Variants in METTL24 observed in about 807,000 individuals in gnomAD.
METTL24 encodes the protein probable methyltransferase-like protein 24.
Under a neutral mutation model 32.7 loss-of-function variants are expected in METTL24, and 29 were observed. That is an observed-to-expected ratio of 0.89 (90% CI 0.66 to 1.21). METTL24 has a LOEUF of 1.21. Ranked by LOEUF, METTL24 falls within the 50% of genes most tolerant of loss-of-function variation. The probability of loss-of-function intolerance (pLI) is 0.00; values close to 1 mark genes in which losing one functional copy is unlikely to be tolerated. For missense variants in METTL24, 439 were observed against 468.1 expected (o/e 0.94, Z 0.57); for synonymous variants, 163 against 179.5 (o/e 0.91, Z 0.73).
At chr6:110,320,516 C>T (rs369581013) in intron 2 of METTL24, among the ~76,000 whole-genome samples, 2 of 152,166 alleles carry the variant, frequency 1.3e-5, no homozygotes, top group East Asian at 1.9e-4. Flanking sequence ...AAGCACAGAA[C>T]CTTATCTGGC....
chr6:110,322,365 A>G (rs530212079), intron 2 of METTL24, among the ~76,000 whole-genome samples: 1 of 152,350 alleles, frequency 6.6e-6, no homozygotes, highest in South Asian at 2.1e-4. Context: ...CATCTGTGAC[A>G]GAAGAGTGGA....
intron 4 of METTL24, among the ~76,000 whole-genome samples, chr6:110,278,800 T>A (rs1385834150): frequency 6.6e-6 from 1 of 152,100 alleles, no homozygotes; most frequent in African/African-American, 2.4e-5. Context: ...AGTGGGAAGA[T>A]CACTTGAGCC....
At chr6:110,341,381 G>A (rs1404881944) in intron 1 of METTL24, among the ~76,000 whole-genome samples, 2 of 152,172 alleles carry the variant, frequency 1.3e-5, no homozygotes, top group Non-Finnish European at 2.9e-5. Flanking sequence ...CAAAACTGAT[G>A]TAGCTATCTG....
At chr6:110,331,766 A>T (rs1269797415) in intron 1 of METTL24, among the ~76,000 whole-genome samples, 1 of 152,174 alleles carries the variant, frequency 6.6e-6, no homozygotes, top group African/African-American at 2.4e-5. Context: ...CCCTCAGAGG[A>T]AAACTCGAAG....
In METTL24 at chr6:110,298,902, A is replaced by C; in HGVS notation, c.786+20T>G. The C allele has an allele frequency of 6.2e-7, 1 of 1,606,746 alleles. No homozygotes were observed. The highest frequency in any genetic ancestry group is 2.2e-5 in the East Asian group (1 of 44,802). On this transcript the variant is annotated intron_variant, in intron 4 of 4. Coordinates refer to ENST00000338882, the MANE Select transcript of METTL24 (RefSeq NM_001123364.3). ...GTTTGTTTACTTTATTCAAGTATAA[A>C]ATCAAATGAAAAACCTCACCTTGTG...
chr6:110,267,013 C>A (rs1201509649), intron 4 of METTL24, among the ~76,000 whole-genome samples: 1 of 151,930 alleles, frequency 6.6e-6, no homozygotes, highest in Non-Finnish European at 1.5e-5. Flanking sequence ...TTTTGTGGGG[C>A]CTCAAGCTTC....
At chr6:110,342,564 T>C (rs908239423) in intron 1 of METTL24, among the ~76,000 whole-genome samples, 2 of 152,226 alleles carry the variant, frequency 1.3e-5, no homozygotes, top group African/African-American at 4.8e-5. Context: ...ATGATTCACA[T>C]GCCACAAAAT....
intron 4 of METTL24, among the ~76,000 whole-genome samples, chr6:110,293,025 G>A (rs1326286968): frequency 6.6e-6 from 1 of 151,644 alleles, no homozygotes; most frequent in Non-Finnish European, 1.5e-5. Context: ...ATCCCATTGG[G>A]TTAGTAAACC....
At chr6:110,341,336 C>T (rs1188922779) in intron 1 of METTL24, among the ~76,000 whole-genome samples, 1 of 152,172 alleles carries the variant, frequency 6.6e-6, no homozygotes, top group Non-Finnish European at 1.5e-5. Context: ...CTCTCTGTAA[C>T]CAGGATATCC....
At chr6:110,270,231 G>A (rs1009441079) in intron 4 of METTL24, among the ~76,000 whole-genome samples, 1 of 151,886 alleles carries the variant, frequency 6.6e-6, no homozygotes, top group Non-Finnish European at 1.5e-5. Flanking sequence ...GTGGTGGCTC[G>A]TTTTAAAATT....
chr6:110,335,720 G>A (rs1772213281), intron 1 of METTL24, among the ~76,000 whole-genome samples: 2 of 151,868 alleles, frequency 1.3e-5, no homozygotes, highest in Admixed American at 6.6e-5. Flanking sequence ...CTATTGTACT[G>A]GTAGGGGGTC....
chr6:110,258,440 AATT>A (rs1180418729), intron 4 of METTL24, among the ~76,000 whole-genome samples: 1 of 152,176 alleles, frequency 6.6e-6, no homozygotes, highest in East Asian at 1.9e-4. Context: ...TATGCTTGAT[AATT>A]ATTTATTTTT....
chr6:110,357,182 C>T (rs1375086094), intron 1 of METTL24, among the ~76,000 whole-genome samples: 1 of 152,060 alleles, frequency 6.6e-6, no homozygotes, highest in South Asian at 2.1e-4. Flanking sequence ...TTTCCATGTA[C>T]GACGCAAATT....
At chr6:110,331,408 C>T (rs1035817715) in intron 1 of METTL24, among the ~76,000 whole-genome samples, 1 of 151,992 alleles carries the variant, frequency 6.6e-6, no homozygotes, top group Admixed American at 6.5e-5. Context: ...CCTGCAGTCC[C>T]AGCCCTTTGG....
At chr6:110,292,517 G>A (rs1203779453) in intron 4 of METTL24, among the ~76,000 whole-genome samples, 1 of 151,548 alleles carries the variant, frequency 6.6e-6, no homozygotes. Flanking sequence ...TCAAGTTGTG[G>A]ATCTTTTTTT....
intron 4 of METTL24, among the ~76,000 whole-genome samples, chr6:110,259,099 G>C (rs911594082): frequency 6.6e-6 from 1 of 152,156 alleles, no homozygotes; most frequent in African/African-American, 2.4e-5. Context: ...CATCTCACTG[G>C]GGACTGTCAG....
chr6:110,341,218 T>A (rs897623840), intron 1 of METTL24, among the ~76,000 whole-genome samples: 9 of 152,232 alleles, frequency 5.9e-5, no homozygotes, highest in Non-Finnish European at 1.5e-5. Flanking sequence ...AAGGATACAA[T>A]GTTGTATGTG....
At chr6:110,301,486 T>A (rs1364183070) in intron 3 of METTL24, among the ~76,000 whole-genome samples, 2 of 152,198 alleles carry the variant, frequency 1.3e-5, no homozygotes, top group African/African-American at 4.8e-5. Flanking sequence ...TCCTAGGCCT[T>A]CAGTGCTTCT....
chr6:110,246,928 G>T, intron 4 of METTL24, among the ~76,000 whole-genome samples: 1 of 149,830 alleles, frequency 6.7e-6, no homozygotes, highest in Non-Finnish European at 1.5e-5. Flanking sequence ...TCTTTACAAT[G>T]TATATACCAG....
Sources: gnomAD v4.1 joint callset for allele counts (sites outside exome capture counted in the v4.1 genomes callset) on GRCh38, gnomAD v4.1.1 for gene constraint, MANE v1.5 for transcripts, NCBI Gene and HGNC (gene_info 2026-07-23, HGNC 2026-07-21) for gene names.